The following DNAH14 variants were observed in gnomAD, a reference collection of about 807,000 sequenced individuals.
DNAH14 encodes the protein axonemal beta dynein heavy chain 14.
In DNAH14, 478 loss-of-function variants were observed where a neutral mutation model predicts 520.9. That is an observed-to-expected ratio of 0.92 (90% CI 0.85 to 0.99). The LOEUF (loss-of-function observed/expected upper bound fraction) is 0.99. DNAH14 is among the 50% of genes least tolerant of loss of function. The pLI is 0.00. For synonymous variants in DNAH14, 1,581 were observed against 1,757.2 expected, an observed-to-expected ratio of 0.90 and a Z score of 2.51; for missense variants, 4,831 against 5,234.5, an observed-to-expected ratio of 0.92 and a Z score of 2.38.
rs866064160 is a variant in DNAH14 at position 225,080,500 on chromosome 1, A to T, written c.2888A>T (p.Gln963Leu). 6 of 1,551,862 alleles carry T rather than the reference A, an allele frequency of 3.9e-6. No homozygotes were observed. In the Middle Eastern group the frequency reaches 1.0e-3, roughly 259 times the overall value. Reference sequence around the variant, plus strand: ...AAAGCTAAAGCATATTCACATTATCAGGATTGTTTCAGTGATTCTCAATCT... The same window carrying T: ...AAAGCTAAAGCATATTCACATTATCTGGATTGTTTCAGTGATTCTCAATCT... The part of the protein sequence containing the change: ...TNKAKAYSHY[Q>L]DCFSDSQSHM... The change falls in exon 19 of 86, where the codon CAG becomes CTG. Residue 963 changes from glutamine (Q) to leucine (L), a missense_variant. By Grantham distance (113) the Gln-to-Leu change is moderately radical. Coordinates refer to ENST00000682510, the MANE Select transcript of DNAH14 (RefSeq NM_001367479.1).
At chr1:225,056,310 C>A (rs972730633) in intron 17 of DNAH14, among the ~76,000 whole-genome samples, 1 of 151,980 alleles carries the variant, frequency 6.6e-6, no homozygotes, top group African/African-American at 2.4e-5. Context: ...TTTTTCATGT[C>A]TTTTGGCTGC....
chr1:225,057,094 T>A (rs1489073341), intron 17 of DNAH14, among the ~76,000 whole-genome samples: 1 of 152,256 alleles, frequency 6.6e-6, no homozygotes, highest in East Asian at 1.9e-4. Context: ...TTGATGGGGA[T>A]GGCATTGAAT....
chr1:225,294,836 A>AAT (rs1553303893), intron 55 of DNAH14, among the ~76,000 whole-genome samples: 4,324 of 150,860 alleles, frequency 0.029, 82 homozygotes, highest in Non-Finnish European at 0.043. Context: ...AAAAAAAAAA[A>AAT]AGTTGGTAGA....
intron 41 of DNAH14, among the ~76,000 whole-genome samples, chr1:225,227,008 T>C (rs634895): frequency 0.15 from 23,452 of 152,042 alleles, 2,123 homozygotes; most frequent in East Asian, 0.36. Flanking sequence ...TCACCTCCAG[T>C]CATAAGGTGG....
At position 224,967,553 on chromosome 1, in the gene DNAH14, T is replaced by C; in HGVS notation, c.621T>C (p.Phe207=). 6.2e-7 allele frequency: 1 copy of C among 1,603,930 alleles called. No individual in the cohort carries two copies. The highest frequency in any genetic ancestry group is 8.5e-7 in the Non-Finnish European group (1 of 1,176,344). ...ATACTGCTAAACATTGCAAAGAATT[T>C]TGGGTTATTACTGCTTCATTTATCT... ...SAHTAKHCKE[F]WVITASFISK... The change falls in exon 6 of 86, where the codon TTT becomes TTC. Residue 207 remains phenylalanine, a synonymous_variant. Transcript: ENST00000682510.
chr1:225,275,265 A>G (rs2149867342), intron 52 of DNAH14, among the ~76,000 whole-genome samples: 1 of 152,322 alleles, frequency 6.6e-6, no homozygotes, highest in African/African-American at 2.4e-5. Context: ...ACTACCTAGG[A>G]CTAGTATGGA....
intron 73 of DNAH14, chr1:225,357,974 T>C (rs771358764): frequency 3.7e-5 from 21 of 573,790 alleles, no homozygotes; most frequent in Non-Finnish European, 5.2e-5. Flanking sequence ...GCATTTATAC[T>C]GTTTCCAAAA....
chr1:225,179,346 A>T (rs374101459), intron 36 of DNAH14, among the ~76,000 whole-genome samples: 6 of 152,052 alleles, frequency 3.9e-5, no homozygotes, highest in East Asian at 3.9e-4. Context: ...TTTCTCAGGG[A>T]GTATGCTTTA....
At chr1:225,058,428 T>G (rs1375824588) in intron 17 of DNAH14, among the ~76,000 whole-genome samples, 1 of 152,228 alleles carries the variant, frequency 6.6e-6, no homozygotes, top group African/African-American at 2.4e-5. Context: ...TCTTTTCTTC[T>G]TTATTAGTCT....
At chr1:225,065,320 C>T (rs2070737489) in intron 17 of DNAH14, among the ~76,000 whole-genome samples, 1 of 151,634 alleles carries the variant, frequency 6.6e-6, no homozygotes, top group Admixed American at 6.6e-5. Context: ...TTAACATATC[C>T]ATCATCTCAA....
chr1:225,126,865 A>G (rs933635527), intron 27 of DNAH14, among the ~76,000 whole-genome samples: 26 of 151,580 alleles, frequency 1.7e-4, no homozygotes, highest in African/African-American at 5.8e-4. Flanking sequence ...ATTTCCCTCT[A>G]CACACTGCTT....
At chr1:225,076,500 T>C (rs1197372708) in intron 17 of DNAH14, among the ~76,000 whole-genome samples, 2 of 152,222 alleles carry the variant, frequency 1.3e-5, no homozygotes, top group Non-Finnish European at 2.9e-5. Context: ...TTATAGTTGA[T>C]GTTTCTACAG....
At chr1:225,320,811 C>A (rs1048341624) in intron 61 of DNAH14, among the ~76,000 whole-genome samples, 12 of 152,160 alleles carry the variant, frequency 7.9e-5, no homozygotes, top group African/African-American at 2.9e-4. Context: ...AGCAAATTTC[C>A]AGTAGACACG....
chr1:225,098,288 T>TA (rs199892626), intron 22 of DNAH14, among the ~76,000 whole-genome samples: 5,513 of 152,038 alleles, frequency 0.036, 311 homozygotes, highest in African/African-American at 0.13. Flanking sequence ...ATTCTACCTT[T>TA]AAAAAACACC....
chr1:225,336,858 T>C (rs1264750106), intron 66 of DNAH14, among the ~76,000 whole-genome samples: 1 of 152,192 alleles, frequency 6.6e-6, no homozygotes. Flanking sequence ...TATATGTATG[T>C]GTGGTTGGCA....
Position 225,185,344 on chromosome 1 carries a change from CAGA to C in DNAH14, c.5594_5596del (p.Arg1865del), listed in dbSNP as rs1326522864. ...CAACAGGTGGAGGAAAGACAACAGT[CAGA>C]AGAATTTTGGAAAAAGCATTAACGC... On this transcript the variant is annotated inframe_deletion, in exon 37 of 86. Coordinates refer to ENST00000682510, the MANE Select transcript of DNAH14 (RefSeq NM_001367479.1). 7.1e-6 allele frequency: 11 copies of C among 1,547,502 alleles called. No homozygotes were observed. The East Asian group carries it at 2.7e-4, about 38-fold the overall frequency.
intron 54 of DNAH14, among the ~76,000 whole-genome samples, chr1:225,279,071 A>G (rs1385187600): frequency 6.6e-6 from 1 of 152,194 alleles, no homozygotes; most frequent in Non-Finnish European, 1.5e-5. Flanking sequence ...ATCTCAGCTC[A>G]CTGCAACCTC....
At position 225,380,209 on chromosome 1, in the gene DNAH14, T is replaced by C; in HGVS notation, c.12767T>C (p.Leu4256Pro). Residue 4256 changes from leucine to proline, a missense_variant, in exon 80 of 86, where the codon CTA becomes CCA. Coordinates refer to ENST00000682510, the MANE Select transcript of DNAH14 (RefSeq NM_001367479.1). Reference protein sequence around the residue: ...ELVMEILSDLLKRLPLTVEKE... With the variant: ...ELVMEILSDLPKRLPLTVEKE... Reference sequence around the variant, plus strand: ...GTGATGGAAATTCTATCCGACTTGCTAAAGCGGCTGCCACTGACAGTGGAG... The same window carrying C: ...GTGATGGAAATTCTATCCGACTTGCCAAAGCGGCTGCCACTGACAGTGGAG... The C allele has an allele frequency of 6.4e-7, 1 of 1,551,668 alleles. No individual in the cohort carries two copies.
intron 8 of DNAH14, among the ~76,000 whole-genome samples, chr1:224,998,338 TG>T (rs1258860177): frequency 1.3e-5 from 2 of 152,138 alleles, no homozygotes; most frequent in Non-Finnish European, 2.9e-5. Flanking sequence ...ATTTGTTCTT[TG>T]TTTTCTAAGT....
Sources: allele counts gnomAD v4.1 joint callset (sites outside exome capture counted in the v4.1 genomes callset), GRCh38; gene constraint gnomAD v4.1.1; transcripts MANE v1.5; gene names NCBI Gene and HGNC (gene_info 2026-07-23, HGNC 2026-07-21).